PCDHGB3: variants seen among roughly 807,000 people sequenced by gnomAD.
PCDHGB3 encodes the protein protocadherin gamma-B3.
In PCDHGB3, 40 loss-of-function variants were observed where a neutral mutation model predicts 59.2. The observed-to-expected ratio is 0.68, with a 90% CI of 0.52 to 0.88. PCDHGB3 has a LOEUF of 0.88. Ranked by LOEUF, PCDHGB3 falls within the 40% of genes least tolerant of loss-of-function variation. The probability of loss-of-function intolerance (pLI) is 0.00; values close to 1 mark genes in which losing one functional copy is unlikely to be tolerated. For synonymous variants in PCDHGB3, 581 were observed against 503.6 expected (o/e 1.15, Z -2.06); for missense variants, 1,309 against 1,187.9 (o/e 1.10, Z -1.50).
In PCDHGB3 at chr5:141,494,748, C is replaced by T. The variant is rs566281527; in HGVS notation, c.2416-59C>T. On this transcript the variant is annotated intron_variant, in intron 1 of 3. Coordinates refer to ENST00000576222, the MANE Select transcript of PCDHGB3 (RefSeq NM_018924.5). ...CTCTCCCGGCCCATCCCTAGGGGCTCGGGTGACATTCTAACTTCTCACGGG... is the reference window on the plus strand; with the variant it reads ...CTCTCCCGGCCCATCCCTAGGGGCTTGGGTGACATTCTAACTTCTCACGGG... 1.4e-5 allele frequency: 22 copies of T among 1,613,104 alleles called. No individual in the cohort carries two copies. The East Asian group carries it at 4.2e-4, about 31-fold the overall frequency.
At chr5:141,376,213 G>A (rs754053100) in intron 1 of PCDHGB3, 3 of 1,614,224 alleles carry the variant, frequency 1.9e-6, no homozygotes, top group South Asian at 1.1e-5. Flanking sequence ...TCGTCATCGT[G>A]CTGCTGGCGC....
chr5:141,478,856 T>G (rs1372487685), intron 1 of PCDHGB3: 2 of 1,353,224 alleles, frequency 1.5e-6, no homozygotes, highest in Non-Finnish European at 2.0e-6. Flanking sequence ...AAACACAAGA[T>G]CTCAGCGATC....
At chr5:141,450,887 C>T (rs531604055) in intron 1 of PCDHGB3, among the ~76,000 whole-genome samples, 18 of 148,682 alleles carry the variant, frequency 1.2e-4, no homozygotes, top group East Asian at 1.2e-3. Flanking sequence ...TGCAGTGGTG[C>T]GATATCGGCT....
At chr5:141,415,153 G>A in intron 1 of PCDHGB3, 4 of 1,613,780 alleles carry the variant, frequency 2.5e-6, no homozygotes, top group South Asian at 2.2e-5. Flanking sequence ...CCCTCTCTCC[G>A]CCACTGTCAC....
chr5:141,487,596 A>T lies in PCDHGB3; in HGVS notation c.2416-7211A>T. The stretch of plus-strand genomic sequence containing the variant: ...GTTCGCCCAAGCTGCCCACCCTCTG[A>T]TCTTCTCTATGGGCTAGAGGTGAGA... On this transcript the variant is annotated intron_variant, in intron 1 of 3. Transcript: ENST00000576222. The surrounding 1 kb of genome is among the most constrained non-coding windows in gnomAD (Gnocchi z 5.0). The T allele has an allele frequency of 1.2e-6, 2 of 1,614,108 alleles. No individual in the cohort carries two copies. Among genetic ancestry groups the T allele is most frequent in the Non-Finnish European group, 8.5e-7 (1 of 1,180,024 alleles).
At position 141,418,763 on chromosome 5, in the gene PCDHGB3, C is replaced by G. The variant is rs914122527; in HGVS notation, c.2415+45954C>G. The stretch of plus-strand genomic sequence containing the variant: ...TCTGGATTACACTACAGGAAACATT[C>G]TAACTCAGCAGCCTTTGGATTTTGA... On this transcript the variant is annotated intron_variant, in intron 1 of 3. Coordinates refer to ENST00000576222, the MANE Select transcript of PCDHGB3 (RefSeq NM_018924.5). 5 of 1,613,728 alleles carry G rather than the reference C, an allele frequency of 3.1e-6. No homozygotes were observed. The Admixed American group carries it at 5.0e-5, about 16-fold the overall frequency.
Position 141,371,744 on chromosome 5 carries a change from C to T in PCDHGB3, c.1350C>T (p.Pro450=). The part of the protein sequence containing the change: ...LHILDVNDNV[P]VFHQASYTVH... The stretch of plus-strand genomic sequence containing the variant: ...TCCTTGATGTCAACGACAACGTTCC[C>T]GTTTTCCACCAGGCCTCCTACACCG... The change falls in exon 1 of 4, where the codon CCC becomes CCT. Residue 450 remains proline, a synonymous_variant. Coordinates refer to ENST00000576222, the MANE Select transcript of PCDHGB3 (RefSeq NM_018924.5). The T allele has an allele frequency of 1.2e-6, 2 of 1,614,040 alleles. No individual in the cohort carries two copies. The highest frequency in any genetic ancestry group is 2.2e-5 in the East Asian group (1 of 44,884).
chr5:141,427,458 A>T (rs2097029342), intron 1 of PCDHGB3: 1 of 494,398 alleles, frequency 2.0e-6, no homozygotes, highest in African/African-American at 1.9e-5. Context: ...TCCTTTTAGA[A>T]TCGAATCTTC....
Position 141,476,645 on chromosome 5 carries a change from A to C in PCDHGB3, c.2416-18162A>C. 1 of 1,614,246 alleles carries C rather than the reference A, an allele frequency of 6.2e-7. No homozygotes were observed. The highest frequency in any genetic ancestry group is 8.5e-7 in the Non-Finnish European group (1 of 1,180,052). On this transcript the variant is annotated intron_variant, in intron 1 of 3. Coordinates refer to ENST00000576222, the MANE Select transcript of PCDHGB3 (RefSeq NM_018924.5). The surrounding 1 kb of genome is among the most constrained non-coding windows in gnomAD (Gnocchi z 7.6). ...TTTACAAACCTATGAGCTGAGCCGA[A>C]ATGAATACTTTGCGCTTCGCGTGCA...
chr5:141,430,723 A>C lies in PCDHGB3; in HGVS notation c.2415+57914A>C, dbSNP rs554822923. ...GAACTGCTCCTGACTTCAGTGGTTAAGGGCAGAATTGAAAATAATTCTGGA... is the reference window on the plus strand; with the variant it reads ...GAACTGCTCCTGACTTCAGTGGTTACGGGCAGAATTGAAAATAATTCTGGA... On this transcript the variant is annotated intron_variant, in intron 1 of 3. Transcript: ENST00000576222. 58 of 1,493,590 alleles carry C rather than the reference A, an allele frequency of 3.9e-5. No homozygotes were observed. The African/African-American group carries it at 7.7e-4, about 20-fold the overall frequency. The allele number at this position is 1,493,590 out of a possible 1,614,324, so 92.5% of individuals were successfully genotyped here. A position where few individuals can be genotyped will look rare whatever the true frequency, so the allele number is the denominator to read the frequency against.
intron 2 of PCDHGB3, among the ~76,000 whole-genome samples, chr5:141,501,294 C>CAT (rs200497585): frequency 0.16 from 9,924 of 62,810 alleles, 350 homozygotes; most frequent in Non-Finnish European, 0.25. Flanking sequence ...CCCTTATACA[C>CAT]ACACACACAC....
intron 1 of PCDHGB3, chr5:141,478,109 T>G: frequency 1.2e-6 from 2 of 1,614,086 alleles, no homozygotes; most frequent in Non-Finnish European, 8.5e-7. Flanking sequence ...CCTCACTGTG[T>G]CAGTAACCGA....
At chr5:141,481,618 G>C (rs1339565594) in intron 1 of PCDHGB3, among the ~76,000 whole-genome samples, 1 of 152,142 alleles carries the variant, frequency 6.6e-6, no homozygotes, top group African/African-American at 2.4e-5. Context: ...AGGAGTTCAA[G>C]ACCGGCCTGG....
At chr5:141,496,080 C>G (rs2099765822) in intron 2 of PCDHGB3, among the ~76,000 whole-genome samples, 2 of 152,150 alleles carry the variant, frequency 1.3e-5, no homozygotes, top group East Asian at 1.9e-4. Context: ...ACACAACCCC[C>G]CACCCACCAC....
intron 1 of PCDHGB3, among the ~76,000 whole-genome samples, chr5:141,447,527 A>C (rs1278828003): frequency 6.6e-6 from 1 of 152,224 alleles, no homozygotes; most frequent in East Asian, 1.9e-4. Flanking sequence ...TCATAACAAA[A>C]TTGTTGGGTT....
In PCDHGB3 at chr5:141,428,146, C is replaced by G. The variant is rs549173211; in HGVS notation, c.2415+55337C>G. The G allele has an allele frequency of 1.3e-5, 21 of 1,589,348 alleles. No individual in the cohort carries two copies. The East Asian group carries it at 4.0e-4, about 30-fold the overall frequency. Reference sequence around the variant, plus strand: ...GGGCTTTTCAGCCTGGGGCTGCACACGGGAACCTGCTGGTTGCTGTGCGTG... The same window carrying G: ...GGGCTTTTCAGCCTGGGGCTGCACAGGGGAACCTGCTGGTTGCTGTGCGTG... On this transcript the variant is annotated intron_variant, in intron 1 of 3. Transcript: ENST00000576222.
At chr5:141,478,665 A>G (rs749063178) in intron 1 of PCDHGB3, 88 of 1,551,690 alleles carry the variant, frequency 5.7e-5, no homozygotes, top group Non-Finnish European at 3.7e-5. Flanking sequence ...ATGCATTCAC[A>G]CTTTCAACTG....
At chr5:141,397,960 A>C in intron 1 of PCDHGB3, 2 of 1,021,904 alleles carry the variant, frequency 2.0e-6, no homozygotes, top group East Asian at 2.6e-5. Context: ...GCCCCAGCTC[A>C]GACTCCCCAG....
chr5:141,501,125 C>A (rs2099805699), intron 2 of PCDHGB3, among the ~76,000 whole-genome samples: 1 of 152,140 alleles, frequency 6.6e-6, no homozygotes, highest in South Asian at 2.1e-4. Context: ...CCTCAGCCTC[C>A]CTAAGTGCTG....
Sources: gnomAD v4.1 joint callset for allele counts (sites outside exome capture counted in the v4.1 genomes callset) on GRCh38, gnomAD v4.1.1 for gene constraint, Gnocchi (gnomAD v3.1) non-coding constraint, MANE v1.5 for transcripts, NCBI Gene and HGNC (gene_info 2026-07-23, HGNC 2026-07-21) for gene names.